The following NR4A2 variants were observed in gnomAD, a reference collection of about 807,000 sequenced individuals.
NR4A2 encodes NGFI-B/nur77 beta-type transcription factor homolog.
Under a neutral mutation model 50.5 loss-of-function variants are expected in NR4A2, and 1 was observed. That is an observed-to-expected ratio of 0.02 (90% CI 0.01 to 0.09). The LOEUF (loss-of-function observed/expected upper bound fraction) is 0.09. NR4A2 is among the 10% of genes least tolerant of loss of function. NR4A2 has a pLI of 1.00. For missense variants in NR4A2, 613 were observed against 777.3 expected, an observed-to-expected ratio of 0.79 and a Z score of 2.51; for synonymous variants, 328 against 309.4, an observed-to-expected ratio of 1.06 and a Z score of -0.63.
chr2:156,330,886 C>T (rs1037959676), intron 1 of NR4A2, 95 bp from the exon 2 acceptor site: 3 of 1,072,124 alleles, frequency 2.8e-6, no homozygotes, highest in Admixed American at 8.3e-5. Flanking sequence ...CCATGCCTTC[C>T]CTGTTTGTCT....
In NR4A2 at chr2:156,326,798, G is replaced by C; in HGVS notation, c.1281C>G (p.Phe427Leu). 1 of 1,614,208 alleles carries C rather than the reference G, an allele frequency of 6.2e-7. No individual in the cohort carries two copies. Among genetic ancestry groups the C allele is most frequent in the South Asian group, 1.1e-5 (1 of 91,084 alleles). Reference protein sequence around the residue: ...IRGWAEKIPGFADLPKADQDL... With the variant: ...IRGWAEKIPGLADLPKADQDL... ...CTTGGTCGGCTTTGGGCAGGTCTGC[G>C]AAGCCAGGGATCTTCTCTGCCCAGC... Residue 427 changes from phenylalanine to leucine, a missense_variant, in exon 6 of 8, where the codon TTC becomes TTG. By Grantham distance (22) the Phe-to-Leu change is conservative (BLOSUM62 0). This residue lies in a region of NR4A2 where 250 missense variants were observed against 311.3 expected (regional missense o/e 0.80). Transcript: ENST00000339562. This position sits in a 1 kb window ranked among gnomAD's most constrained non-coding sequence, Gnocchi z 4.2.
In NR4A2 at chr2:156,330,737, A is replaced by C; in HGVS notation, c.-72T>G. On this transcript the variant is annotated 5_prime_UTR_variant, in exon 2 of 8. Transcript: ENST00000339562. ...AGTGTCGTAATTCAATGAAGGACAA[A>C]GTTTCCAAGATTTTTAGAAAAGCAA... 10 of 1,256,690 alleles carry C rather than the reference A, an allele frequency of 8.0e-6. No individual in the cohort carries two copies. Among genetic ancestry groups the C allele is most frequent in the Non-Finnish European group, 1.0e-5 (10 of 1,000,870 alleles). The allele number at this position is 1,256,690 out of a possible 1,614,324, so 77.8% of individuals were successfully genotyped here. A position where few individuals can be genotyped will look rare whatever the true frequency, so the allele number is the denominator to read the frequency against.
Position 156,332,567 on chromosome 2 carries a change from G to C in NR4A2, c.-214C>G, listed in dbSNP as rs1558870850. The C allele has an allele frequency of 9.8e-6, 12 of 1,221,564 alleles. No individual in the cohort carries two copies. The highest frequency in any genetic ancestry group is 1.2e-5 in the Non-Finnish European group (11 of 927,828). 75.7% of individuals were successfully genotyped at this position (1,221,564 alleles called of 1,614,324 possible). On this transcript the variant is annotated 5_prime_UTR_variant, in exon 1 of 8. Transcript: ENST00000339562. ...AGCCCGGGCGCCGGGGTCGGGTAGG[G>C]GTGGGAGAGCTGGGCGAAGGGAACC...
chr2:156,325,311 T>G lies in NR4A2; in HGVS notation c.*433A>C. ...TAAAGGGCAATACTTGTGGGTCCCC[T>G]TAAGATGTGTCTCTGTGTGTGTGTG... On this transcript the variant is annotated 3_prime_UTR_variant, in exon 8 of 8. Transcript: ENST00000339562. 1 of 208,790 alleles carries G rather than the reference T, an allele frequency of 4.8e-6. No homozygotes were observed. The highest frequency in any genetic ancestry group is 9.8e-6 in the Non-Finnish European group (1 of 102,488). The allele number at this position is 208,790 out of a possible 1,614,324, so 12.9% of individuals were successfully genotyped here.
In NR4A2 at chr2:156,329,199, C is replaced by T. The variant is rs1686793723; in HGVS notation, c.864+124G>A. The T allele has an allele frequency of 7.1e-7, 1 of 1,404,894 alleles. No homozygotes were observed. The highest frequency in any genetic ancestry group is 9.8e-7 in the Non-Finnish European group (1 of 1,024,060). 87.0% of individuals were successfully genotyped at this position (1,404,894 alleles called of 1,614,324 possible). ...CCTGCAGGGCAGCTTCGGCGGACCC[C>T]GGAGAGCTGGGCAGTCCCGGGAGAG... On this transcript the variant is annotated intron_variant, in intron 3 of 7. Transcript: ENST00000339562. This position sits in a 1 kb window ranked among gnomAD's most constrained non-coding sequence, Gnocchi z 7.5.
In NR4A2 at chr2:156,326,650, T is replaced by C. The variant is rs1686655621; in HGVS notation, c.1361+68A>G. The stretch of plus-strand genomic sequence containing the variant: ...TACCCCACCCTCTGGTTTCCCTTCC[T>C]CCCTTTCTTTTCCTTTCTTGATTTC... On this transcript the variant is annotated intron_variant, in intron 6 of 7. Coordinates refer to ENST00000339562, the MANE Select transcript of NR4A2 (RefSeq NM_006186.4). The surrounding 1 kb of genome is among the most constrained non-coding windows in gnomAD (Gnocchi z 4.2). The C allele has an allele frequency of 6.6e-7, 1 of 1,526,534 alleles. No homozygotes were observed. The highest frequency in any genetic ancestry group is 9.1e-7 in the Non-Finnish European group (1 of 1,104,512). 94.6% of individuals were successfully genotyped at this position (1,526,534 alleles called of 1,614,324 possible).
Position 156,329,751 on chromosome 2 carries a change from G to GGTC in NR4A2, c.433_435dup (p.Asp145dup), listed in dbSNP as rs749779855. Reference sequence around the variant, plus strand: ...TGGTGGAAGTTGTGGAGAGATCCCGGGTCGTCCCACATGGGGCTGTGCTGC... The same window carrying GGTC: ...TGGTGGAAGTTGTGGAGAGATCCCGGGTCGTCGTCCCACATGGGGCTGTGCTGC... On this transcript the variant is annotated inframe_insertion, in exon 3 of 8. Coordinates refer to ENST00000339562, the MANE Select transcript of NR4A2 (RefSeq NM_006186.4). This position sits in a 1 kb window ranked among gnomAD's most constrained non-coding sequence, Gnocchi z 7.5. 5.6e-6 allele frequency: 9 copies of GGTC among 1,613,680 alleles called. No individual in the cohort carries two copies. The highest frequency in any genetic ancestry group is 7.6e-6 in the Non-Finnish European group (9 of 1,179,688).
At position 156,326,775 on chromosome 2, in the gene NR4A2, T is replaced by C. The variant is rs571777683; in HGVS notation, c.1304A>G (p.Gln435Arg). The C allele has an allele frequency of 5.0e-6, 8 of 1,614,210 alleles. No individual in the cohort carries two copies. The South Asian group carries it at 7.7e-5, about 16-fold the overall frequency. The part of the protein sequence containing the change: ...PGFADLPKAD[Q>R]DLLFESAFLE... ...GAAAGCTGATTCAAAAAGCAGGTCT[T>C]GGTCGGCTTTGGGCAGGTCTGCGAA... Residue 435 changes from glutamine (Q) to arginine (R), a missense_variant, in exon 6 of 8, where the codon CAA becomes CGA. By Grantham distance (43) the Gln-to-Arg change is conservative (BLOSUM62 1). Transcript: ENST00000339562. This position sits in a 1 kb window ranked among gnomAD's most constrained non-coding sequence, Gnocchi z 4.2.
Position 156,329,503 on chromosome 2 carries a change from C to T in NR4A2, c.684G>A (p.Ala228=), listed in dbSNP as rs995776798. Residue 228 remains alanine, a synonymous_variant, in exon 3 of 8, where the codon GCG becomes GCA. Transcript: ENST00000339562. The surrounding 1 kb of genome is among the most constrained non-coding windows in gnomAD (Gnocchi z 7.5). ...FAVPNPIRKP[A]SMGFPGLQIG... ...TCTGCAGGCCCGGGAAGCCCATGGA[C>T]GCGGGCTTGCGAATGGGGTTGGGCA... The T allele has an allele frequency of 1.9e-6, 3 of 1,605,004 alleles. No homozygotes were observed. Among genetic ancestry groups the T allele is most frequent in the African/African-American group, 1.3e-5 (1 of 74,812 alleles).
intron 2 of NR4A2, among the ~76,000 whole-genome samples, 198 bp downstream of exon 2, chr2:156,330,470 G>A (rs143466597): frequency 2.3e-4 from 35 of 152,256 alleles, no homozygotes; most frequent in African/African-American, 8.4e-4. Context: ...ACTCAGATGA[G>A]CCTCTTCTCT....
chr2:156,325,789 C>T lies in NR4A2; in HGVS notation c.1752G>A (p.Pro584=), dbSNP rs764098099. Residue 584 remains proline, a synonymous_variant, in exon 8 of 8, where the codon CCG becomes CCA. Coordinates refer to ENST00000339562, the MANE Select transcript of NR4A2 (RefSeq NM_006186.4). ...GGAAAAGTTTGTCAATTATTGCTGG[C>T]GGTGGCACCAAGTCTTCCAATTTCA... The part of the protein sequence containing the change: ...FYLKLEDLVP[P]PAIIDKLFLD... 22 of 1,613,996 alleles carry T rather than the reference C, an allele frequency of 1.4e-5. No individual in the cohort carries two copies. Among genetic ancestry groups the T allele is most frequent in the Non-Finnish European group, 1.8e-5 (21 of 1,180,026 alleles).
chr2:156,329,651 T>C lies in NR4A2; in HGVS notation c.536A>G (p.Lys179Arg). Residue 179 changes from lysine to arginine, a missense_variant, in exon 3 of 8, where the codon AAG becomes AGG. Around this residue, in one of 4 missense-constraint regions of NR4A2, gnomAD observed 275 missense variants for 248.9 expected, o/e 1.10. Coordinates refer to ENST00000339562, the MANE Select transcript of NR4A2 (RefSeq NM_006186.4). This position sits in a 1 kb window ranked among gnomAD's most constrained non-coding sequence, Gnocchi z 7.5. ...PVSRLSLFSF[K>R]QSPPGTPVSS... Reference sequence around the variant, plus strand: ...CACCGGGGTGCCAGGGGGCGATTGCTTAAAGGAGAAGAGGGAGAGGCGGGA... The same window carrying C: ...CACCGGGGTGCCAGGGGGCGATTGCCTAAAGGAGAAGAGGGAGAGGCGGGA... The C allele has an allele frequency of 6.2e-7, 1 of 1,613,984 alleles. No individual in the cohort carries two copies. Among genetic ancestry groups the C allele is most frequent in the East Asian group, 2.2e-5 (1 of 44,874 alleles).
intron 5 of NR4A2, 95 bp from the exon 6 acceptor site, chr2:156,327,015 T>A (rs1165126606): frequency 8.8e-6 from 10 of 1,132,928 alleles, no homozygotes; most frequent in Non-Finnish European, 1.3e-5. Flanking sequence ...AGCCAGGTTT[T>A]TATAACAATT....
Position 156,326,117 on chromosome 2 carries a change from G to A in NR4A2, c.1540+33C>T, listed in dbSNP as rs7562656. 0.052 allele frequency: 83,148 copies of A among 1,613,680 alleles called. 5,218 individuals are homozygous for A. The highest frequency in any genetic ancestry group is 0.31 in the African/African-American group (23,505 of 74,972). On this transcript the variant is annotated intron_variant, in intron 7 of 7. Transcript: ENST00000339562. This position sits in a 1 kb window ranked among gnomAD's most constrained non-coding sequence, Gnocchi z 4.2. ...AGGACAAATCCTGCTAGGCAGTTCTGGAGGGGAAGCGCCCTGCGCCTGCAG... is the reference window on the plus strand; with the variant it reads ...AGGACAAATCCTGCTAGGCAGTTCTAGAGGGGAAGCGCCCTGCGCCTGCAG...
rs1201628768 is a variant in NR4A2 at position 156,328,026 on chromosome 2, G to A, written c.995-12C>T. 4 of 1,602,806 alleles carry A rather than the reference G, an allele frequency of 2.5e-6. No individual in the cohort carries two copies. The highest frequency in any genetic ancestry group is 3.4e-6 in the Non-Finnish European group (4 of 1,174,120). On this transcript the variant is annotated splice_polypyrimidine_tract_variant and intron_variant, in intron 4 of 7. Coordinates refer to ENST00000339562, the MANE Select transcript of NR4A2 (RefSeq NM_006186.4). The surrounding 1 kb of genome is among the most constrained non-coding windows in gnomAD (Gnocchi z 4.9). ...GTCTGTGCGAACCACTGCAAAGGAA[G>A]AGCCCTGTTAGCGCCGCTTTTCCGA...
rs1249122269 is a variant in NR4A2, at chr2:156,329,780, T to A, written c.407A>T (p.Gln136Leu). Residue 136 changes from glutamine to leucine, a missense_variant, in exon 3 of 8, where the codon CAG (glutamine) becomes CTG (leucine). This residue lies in a region of NR4A2 where 275 missense variants were observed against 248.9 expected (regional missense o/e 1.10). Coordinates refer to ENST00000339562, the MANE Select transcript of NR4A2 (RefSeq NM_006186.4). This position sits in a 1 kb window ranked among gnomAD's most constrained non-coding sequence, Gnocchi z 7.5. ...SPPTPTTPGF[Q>L]VQHSPMWDDP... The stretch of plus-strand genomic sequence containing the variant: ...GTCCCACATGGGGCTGTGCTGCACC[T>A]GGAAGCCCGGGGTGGTGGGCGTCGG... The A allele has an allele frequency of 6.2e-7, 1 of 1,613,508 alleles. No individual in the cohort carries two copies. The highest frequency in any genetic ancestry group is 1.3e-5 in the African/African-American group (1 of 75,004).
In NR4A2 at chr2:156,329,707, C is replaced by T. The variant is rs1419263733; in HGVS notation, c.480G>A (p.Thr160=). The T allele has an allele frequency of 1.2e-6, 2 of 1,613,874 alleles. No individual in the cohort carries two copies. The highest frequency in any genetic ancestry group is 1.7e-5 in the Admixed American group (1 of 60,004). The change falls in exon 3 of 8, where the codon ACG becomes ACA. Residue 160 remains threonine (T), a synonymous_variant. Coordinates refer to ENST00000339562, the MANE Select transcript of NR4A2 (RefSeq NM_006186.4). The surrounding 1 kb of genome is among the most constrained non-coding windows in gnomAD (Gnocchi z 7.5). ...GCGTTTTCCTCTGCTCGATCATGTG[C>T]GTAGTGGCCACGTAGTTCTGGTGGA... ...HNFHQNYVAT[T]HMIEQRKTPV...
Position 156,328,656 on chromosome 2 carries a change from A to C in NR4A2, c.865-123T>G. ...CCTCCCCACAAACAAACACATACAC[A>C]CAATTCCATTTTATTTTTTTCTCTT... is the stretch of plus-strand genomic sequence containing the variant. On this transcript the variant is annotated intron_variant, in intron 3 of 7. Coordinates refer to ENST00000339562, the MANE Select transcript of NR4A2 (RefSeq NM_006186.4). The surrounding 1 kb of genome is among the most constrained non-coding windows in gnomAD (Gnocchi z 4.9). 8.7e-7 allele frequency: 1 copy of C among 1,154,566 alleles called. No homozygotes were observed. The highest frequency in any genetic ancestry group is 1.3e-6 in the Non-Finnish European group (1 of 784,688). 71.5% of individuals were successfully genotyped at this position (1,154,566 alleles called of 1,614,324 possible).
In NR4A2 at chr2:156,329,636, C is replaced by T; in HGVS notation, c.551G>A (p.Gly184Asp). 1 of 1,613,386 alleles carries T rather than the reference C, an allele frequency of 6.2e-7. No homozygotes were observed. Among genetic ancestry groups the T allele is most frequent in the Non-Finnish European group, 8.5e-7 (1 of 1,179,654 alleles). ...CATCTGGCAACTAGACACCGGGGTGCCAGGGGGCGATTGCTTAAAGGAGAA... is the reference window on the plus strand; with the variant it reads ...CATCTGGCAACTAGACACCGGGGTGTCAGGGGGCGATTGCTTAAAGGAGAA... ...SLFSFKQSPP[G>D]TPVSSCQMRF... Residue 184 changes from glycine (G) to aspartate (D), a missense_variant, in exon 3 of 8, where the codon GGC becomes GAC. Gly to Asp is a moderately conservative substitution (Grantham distance 94, BLOSUM62 -1). This residue lies in a region of NR4A2 where 275 missense variants were observed against 248.9 expected (regional missense o/e 1.10). Transcript: ENST00000339562. The surrounding 1 kb of genome is among the most constrained non-coding windows in gnomAD (Gnocchi z 7.5).
Sources: allele counts gnomAD v4.1 joint callset (sites outside exome capture counted in the v4.1 genomes callset), GRCh38; gene constraint gnomAD v4.1.1; regional missense constraint gnomAD v4.1.1; non-coding constraint Gnocchi (gnomAD v3.1); transcripts MANE v1.5; gene names NCBI Gene and HGNC (gene_info 2026-07-23, HGNC 2026-07-21).